Variants in SDHD observed in about 807,000 individuals in gnomAD.
SDHD encodes succinate dehydrogenase [ubiquinone] cytochrome b small subunit, mitochondrial.
Under a neutral mutation model 18.7 loss-of-function variants are expected in SDHD, and 6 were observed. The ratio of observed to expected loss-of-function variants is 0.32; its 90% confidence interval spans 0.18 to 0.63. The LOEUF is 0.63. SDHD is among the 30% of genes least tolerant of loss of function. SDHD has a pLI of 0.79. For missense variants in SDHD, 160 were observed against 192.7 expected (o/e 0.83, Z 1.00); for synonymous variants, 56 against 73.9 (o/e 0.76, Z 1.24).
Position 112,095,420 on chromosome 11 carries a change from C to T in SDHD, c.*450C>T, listed in dbSNP as rs1865824349. The T allele has an allele frequency of 6.9e-6, 2 of 290,244 alleles. No individual in the cohort carries two copies. 18.0% of individuals were successfully genotyped at this position (290,244 alleles called of 1,614,324 possible). A position where few individuals can be genotyped will look rare whatever the true frequency, so the allele number is the denominator to read the frequency against. ...GACAGTGTTTAATTTTCGAAAACTT[C>T]CCTCTCTAGACAGTAGATACCACCT... On this transcript the variant is annotated 3_prime_UTR_variant, in exon 4 of 4. Coordinates refer to ENST00000375549, the MANE Select transcript of SDHD (RefSeq NM_003002.4).
intron 3 of SDHD, among the ~76,000 whole-genome samples, chr11:112,093,567 G>T (rs1865786888): frequency 6.6e-6 from 1 of 152,130 alleles, no homozygotes; most frequent in Non-Finnish European, 1.5e-5. Flanking sequence ...ATTTTTTCTG[G>T]CGTTTGACTT....
intron 3 of SDHD, among the ~76,000 whole-genome samples, chr11:112,090,599 G>A (rs1362972095): frequency 6.6e-6 from 1 of 152,130 alleles, no homozygotes; most frequent in Non-Finnish European, 1.5e-5. Flanking sequence ...ACTTTGGAGA[G>A]TATCTTAACC....
At chr11:112,088,683 T>C in intron 2 of SDHD, 184 bp from the exon 3 acceptor site, 2 of 703,536 alleles carry the variant, frequency 2.8e-6, no homozygotes, top group Non-Finnish European at 5.0e-6. Context: ...AAAACAGAGA[T>C]AAAGCCTTCA....
chr11:112,087,830 T>G lies in SDHD; in HGVS notation c.53-27T>G. The G allele has an allele frequency of 2.1e-6, 3 of 1,462,908 alleles. No homozygotes were observed. Among genetic ancestry groups the G allele is most frequent in the Non-Finnish European group, 1.9e-6 (2 of 1,043,148 alleles). The allele number at this position is 1,462,908 out of a possible 1,614,324, so 90.6% of individuals were successfully genotyped here. On this transcript the variant is annotated intron_variant, in intron 1 of 3. Transcript: ENST00000375549. ...AGTCCTGTTAAAGGAGAGGTTCTTATGATCATCCTAATGACTCTTTCCTCA... is the reference window on the plus strand; with the variant it reads ...AGTCCTGTTAAAGGAGAGGTTCTTAGGATCATCCTAATGACTCTTTCCTCA...
chr11:112,087,599 A>G (rs1297694808), intron 1 of SDHD, among the ~76,000 whole-genome samples: 1 of 152,212 alleles, frequency 6.6e-6, no homozygotes, highest in African/African-American at 2.4e-5. Flanking sequence ...AATTTAGGGG[A>G]AAAGTCTCTC....
chr11:112,089,551 C>G (rs767190938), intron 3 of SDHD, among the ~76,000 whole-genome samples: 1 of 152,186 alleles, frequency 6.6e-6, no homozygotes, highest in African/African-American at 2.4e-5. Flanking sequence ...TTGAACCACC[C>G]TGTTTCTTCC....
chr11:112,092,124 A>T (rs1011257917), intron 3 of SDHD, among the ~76,000 whole-genome samples: 2 of 152,136 alleles, frequency 1.3e-5, no homozygotes, highest in Admixed American at 1.3e-4. Flanking sequence ...ACTAGGATAA[A>T]TACCTAATGC....
Position 112,095,123 on chromosome 11 carries a change from C to A in SDHD, c.*153C>A. The A allele has an allele frequency of 1.4e-6, 1 of 713,428 alleles. No homozygotes were observed. The highest frequency in any genetic ancestry group is 2.5e-6 in the Non-Finnish European group (1 of 404,214). The allele number at this position is 713,428 out of a possible 1,614,324, so 44.2% of individuals were successfully genotyped here. A position where few individuals can be genotyped will look rare whatever the true frequency, so the allele number is the denominator to read the frequency against. ...CACAAGATTATTTTCAGAATTTAAT[C>A]TTTGAGGAAAAGGTTTGAGAGGAAT... On this transcript the variant is annotated 3_prime_UTR_variant, in exon 4 of 4. Coordinates refer to ENST00000375549, the MANE Select transcript of SDHD (RefSeq NM_003002.4).
chr11:112,091,041 T>G, intron 3 of SDHD: 19 of 895,038 alleles, frequency 2.1e-5, no homozygotes, highest in Non-Finnish European at 2.4e-5. Flanking sequence ...GTTAGGAGAA[T>G]GAGTTGTTGT....
intron 3 of SDHD, among the ~76,000 whole-genome samples, chr11:112,091,705 T>C (rs1865748595): frequency 6.6e-6 from 1 of 152,180 alleles, no homozygotes; most frequent in Non-Finnish European, 1.5e-5. Context: ...CTAAAATTCT[T>C]AGGAGTCATT....
At chr11:112,089,078 T>C (rs1865695779) in intron 3 of SDHD, 67 bp downstream of exon 3, 6 of 1,565,770 alleles carry the variant, frequency 3.8e-6, no homozygotes, top group African/African-American at 1.4e-5. Context: ...TCTTATGTAT[T>C]ATATATGAGG....
rs1566704477 is a variant in SDHD, at chr11:112,095,672, T to C, written c.*702T>C. 4.5e-6 allele frequency: 1 copy of C among 222,926 alleles called. No individual in the cohort carries two copies. Among genetic ancestry groups the C allele is most frequent in the African/African-American group, 2.2e-5 (1 of 44,822 alleles). 13.8% of individuals were successfully genotyped at this position (222,926 alleles called of 1,614,324 possible). ...TTCTAAAACAATCTGTCCACAAATATAAAACTATAAGTAATAAATTGTTAT... is the reference window on the plus strand; with the variant it reads ...TTCTAAAACAATCTGTCCACAAATACAAAACTATAAGTAATAAATTGTTAT... On this transcript the variant is annotated 3_prime_UTR_variant, in exon 4 of 4. Transcript: ENST00000375549.
rs80338843 is a variant in SDHD, at chr11:112,087,916, C to A, written c.112C>A (p.Arg38=). 1 of 1,613,972 alleles carries A rather than the reference C, an allele frequency of 6.2e-7. No homozygotes were observed. Among genetic ancestry groups the A allele is most frequent in the African/African-American group, 1.3e-5 (1 of 75,038 alleles). Residue 38 remains arginine (R), a synonymous_variant, in exon 2 of 4, where the codon CGA becomes AGA. Transcript: ENST00000375549. Reference sequence around the variant, plus strand: ...TCATATCTCAGCATTTCTTCAGGACCGACCTATCCCAGAATGGTGTGGAGT... The same window carrying A: ...TCATATCTCAGCATTTCTTCAGGACAGACCTATCCCAGAATGGTGTGGAGT... ...PAHISAFLQD[R]PIPEWCGVQH... is the part of the protein sequence containing the mutation.
intron 3 of SDHD, chr11:112,093,130 G>A (rs757696980): frequency 2.1e-5 from 8 of 381,660 alleles, no homozygotes; most frequent in South Asian, 7.1e-5. Flanking sequence ...GGCTCAGCAC[G>A]ATCTCAGCTT....
intron 3 of SDHD, among the ~76,000 whole-genome samples, chr11:112,092,712 T>TA (rs1190958884): frequency 1.3e-5 from 2 of 152,170 alleles, no homozygotes; most frequent in African/African-American, 4.8e-5. Flanking sequence ...TTCTGGCAGT[T>TA]ACAACAAAAA....
At position 112,088,874 on chromosome 11, in the gene SDHD, C is replaced by T. The variant is rs764869982; in HGVS notation, c.177C>T (p.Ser59=). 2 of 1,612,214 alleles carry T rather than the reference C, an allele frequency of 1.2e-6. No homozygotes were observed. The highest frequency in any genetic ancestry group is 1.7e-6 in the Non-Finnish European group (2 of 1,179,890). The change falls in exon 3 of 4, where the codon TCC becomes TCT. Residue 59 remains serine (S), a synonymous_variant. Transcript: ENST00000375549. ...IHLSPSHHSG[S]KAASLHWTSE... ...ATCTGGTCCTTTTTGTAGCTGGCTCCAAGGCTGCATCTCTCCACTGGACTA... is the reference window on the plus strand; with the variant it reads ...ATCTGGTCCTTTTTGTAGCTGGCTCTAAGGCTGCATCTCTCCACTGGACTA...
At chr11:112,093,801 A>C (rs1174569367) in intron 3 of SDHD, among the ~76,000 whole-genome samples, 2 of 152,002 alleles carry the variant, frequency 1.3e-5, no homozygotes, top group Non-Finnish European at 2.9e-5. Flanking sequence ...TAGAGATGCC[A>C]CTTTGGTTTG....
At chr11:112,087,835 A>T in intron 1 of SDHD, 22 bp from the exon 2 acceptor site, 1 of 1,497,102 alleles carries the variant, frequency 6.7e-7, no homozygotes, top group East Asian at 2.3e-5. Context: ...TCTTATGATC[A>T]TCCTAATGAC....
At chr11:112,089,711 C>G (rs577758884) in intron 3 of SDHD, among the ~76,000 whole-genome samples, 1 of 152,260 alleles carries the variant, frequency 6.6e-6, no homozygotes, top group East Asian at 1.9e-4. Context: ...CCTTCATCTC[C>G]TTCAGGTCTT....
Sources: allele counts gnomAD v4.1 joint callset (sites outside exome capture counted in the v4.1 genomes callset), GRCh38; gene constraint gnomAD v4.1.1; transcripts MANE v1.5; gene names NCBI Gene and HGNC (gene_info 2026-07-23, HGNC 2026-07-21).